The following CDKL5 variants were observed in gnomAD, a reference collection of about 807,000 sequenced individuals.
The protein encoded by CDKL5 is cyclin-dependent kinase-like 5.
In CDKL5, 8 loss-of-function variants were observed where a neutral mutation model predicts 61.7. That is an observed-to-expected ratio of 0.13 (90% CI 0.08 to 0.23). The LOEUF (loss-of-function observed/expected upper bound fraction) is 0.23, where lower values mean the gene tolerates loss of function less well. Ranked by LOEUF, CDKL5 falls within the 10% of genes least tolerant of loss-of-function variation. CDKL5 has a pLI of 1.00. For synonymous variants in CDKL5, 275 were observed against 272.3 expected (o/e 1.01, Z -0.10); for missense variants, 440 against 734.5 (o/e 0.60, Z 4.63).
chrX:18,549,038 T>C (rs1171789715), intron 3 of CDKL5, among the ~76,000 whole-genome samples: 1 of 112,034 alleles, frequency 8.9e-6, no homozygotes, highest in East Asian at 2.8e-4. Context: ...CATCAGTGTG[T>C]TGATGAATAA....
intron 1 of CDKL5, among the ~76,000 whole-genome samples, chrX:18,460,288 T>C (rs1287964054): frequency 9.0e-6 from 1 of 110,661 alleles, no homozygotes; most frequent in African/African-American, 3.3e-5. Context: ...GGGACCGTAC[T>C]ACACACTTTT....
intron 14 of CDKL5, among the ~76,000 whole-genome samples, chrX:18,612,907 G>A (rs1926601911): frequency 2.7e-5 from 3 of 109,111 alleles, no homozygotes; most frequent in Non-Finnish European, 5.7e-5. Flanking sequence ...AGAAAATGCA[G>A]TAGGATAACG....
In CDKL5 at chrX:18,512,060, A is replaced by G. The variant is rs766449976; in HGVS notation, c.99+1206A>G. Among the ~76,000 whole-genome samples the G allele has an allele frequency of 6.3e-5, 7 of 111,890 alleles. No homozygotes were observed. In the South Asian group the frequency reaches 2.2e-3, roughly 35 times the overall value. ...TTATTTTACTATGGTAATAATCACA[A>G]ATTATTCAGAGAAGTTATTTGAAGT... On this transcript the variant is annotated intron_variant, in intron 3 of 17. Coordinates refer to ENST00000623535, the MANE Select transcript of CDKL5 (RefSeq NM_001323289.2).
chrX:18,623,851 A>G (rs1212150349), intron 16 of CDKL5: 1 of 733,348 alleles, frequency 1.4e-6, no homozygotes, highest in African/African-American at 2.4e-5. Flanking sequence ...TTTTTTTGCA[A>G]TTAGTTTATT....
In CDKL5 at chrX:18,647,181, C is replaced by T. The variant is rs1473346927; in HGVS notation, c.2797+1091C>T. On this transcript the variant is annotated intron_variant, in intron 20 of 21. Coordinates refer to the CDKL5 transcript ENST00000379989. ...AAGCACATGAAAAAAAATCCCCGGG[C>T]CCTGCTTACCCAAAGCCTTGACTGT... 5.0e-6 allele frequency: 6 copies of T among 1,208,091 alleles called. No individual in the cohort carries two copies. Among genetic ancestry groups the T allele is most frequent in the East Asian group, 3.0e-5 (1 of 33,704 alleles).
rs761711341 is a variant in CDKL5, at chrX:18,552,250, AAAAGAAAG to A, written c.100-12211_100-12204del. 4.5e-5 allele frequency among the ~76,000 whole-genome samples: 5 copies of A among 110,158 alleles called. No homozygotes were observed. The South Asian group carries it at 1.1e-3, about 25-fold the overall frequency. ...GAGACTCCGTCTCAAAAAAAAAAAAAAAAGAAAGAAAGAAAGAAAGAAAAAACCCAAAA... is the reference window on the plus strand; with the variant it reads ...GAGACTCCGTCTCAAAAAAAAAAAAAAAAGAAAGAAAGAAAAAACCCAAAA... On this transcript the variant is annotated intron_variant, in intron 3 of 17. Transcript: ENST00000623535.
chrX:18,575,950 C>A (rs893096737), intron 5 of CDKL5, among the ~76,000 whole-genome samples: 9 of 111,580 alleles, frequency 8.1e-5, no homozygotes, highest in Admixed American at 7.6e-4. Context: ...AGGAGCTGTG[C>A]CAGGAGGCCT....
Position 18,630,409 on chromosome X carries a change from C to T in CDKL5, c.*1652C>T. ...AGCAATAATACTTTTAAAGGTCCCT[C>T]CCACCCCTCAAAGAGATAACTTCTC... On this transcript the variant is annotated 3_prime_UTR_variant, in exon 18 of 18. Coordinates refer to ENST00000623535, the MANE Select transcript of CDKL5 (RefSeq NM_001323289.2). 1 of 751,982 alleles carries T rather than the reference C, an allele frequency of 1.3e-6. No homozygotes were observed. The highest frequency in any genetic ancestry group is 1.6e-6 in the Non-Finnish European group (1 of 637,952). 62.0% of individuals were successfully genotyped at this position (751,982 alleles called of 1,213,427 possible). A position where few individuals can be genotyped will look rare whatever the true frequency, so the allele number is the denominator to read the frequency against.
chrX:18,511,135 T>C (rs1001682844), intron 3 of CDKL5, among the ~76,000 whole-genome samples: 2 of 112,164 alleles, frequency 1.8e-5, no homozygotes, highest in African/African-American at 6.5e-5. Flanking sequence ...TTTAAGTTTT[T>C]GCCTAAAACA....
chrX:18,648,808 G>C (rs1927901599), intron 20 of CDKL5, among the ~76,000 whole-genome samples: 1 of 111,347 alleles, frequency 9.0e-6, no homozygotes, highest in African/African-American at 3.3e-5. Context: ...GAACTGCAGA[G>C]GCTGAGTGCA....
intron 4 of CDKL5, among the ~76,000 whole-genome samples, chrX:18,568,175 A>G (rs1015177668): frequency 1.8e-5 from 2 of 112,316 alleles, no homozygotes; most frequent in Admixed American, 9.4e-5. Flanking sequence ...AGTCGGGACC[A>G]TCTATTCTCT....
intron 1 of CDKL5, among the ~76,000 whole-genome samples, chrX:18,503,097 G>T (rs1922446068): frequency 8.9e-6 from 1 of 112,360 alleles, no homozygotes; most frequent in Admixed American, 9.5e-5. Context: ...TTAATGTCTT[G>T]AGTAAAGTTA....
chrX:18,461,575 A>G (rs1248471854), intron 1 of CDKL5, among the ~76,000 whole-genome samples: 1 of 112,171 alleles, frequency 8.9e-6, no homozygotes, highest in Admixed American at 9.5e-5. Flanking sequence ...TTGTAAATGG[A>G]TTGTGTTGAG....
chrX:18,587,910 A>G (rs1420309652), intron 8 of CDKL5, 44 bp from the exon 9 acceptor site: 12 of 1,102,092 alleles, frequency 1.1e-5, no homozygotes, highest in African/African-American at 3.6e-5. Flanking sequence ...TCAAAACATT[A>G]TATTTTTTCA....
At chrX:18,580,476 C>T (rs754212432) in intron 6 of CDKL5, among the ~76,000 whole-genome samples, 3 of 111,751 alleles carry the variant, frequency 2.7e-5, no homozygotes, top group African/African-American at 9.7e-5. Flanking sequence ...CTAATTTTCT[C>T]TACCCCTTAG....
chrX:18,640,505 A>G (rs1274238328), downstream of CDKL5: 4 of 93,854 alleles, frequency 4.3e-5, no homozygotes, highest in Non-Finnish European at 8.1e-5. Flanking sequence ...GGGGAAAAGC[A>G]TTTTCCGAAG....
intron 21 of CDKL5, among the ~76,000 whole-genome samples, chrX:18,652,686 G>T (rs1928105545): frequency 9.0e-6 from 1 of 111,447 alleles, no homozygotes; most frequent in African/African-American, 3.3e-5. Context: ...AAAACTAAGG[G>T]GATCCTTATC....
chrX:18,620,778 C>T (rs1926867435), intron 16 of CDKL5, among the ~76,000 whole-genome samples: 1 of 111,539 alleles, frequency 9.0e-6, no homozygotes, highest in Non-Finnish European at 1.9e-5. Context: ...GACAGGGTCT[C>T]ACCCTGTTGC....
rs1461167746 is a variant in CDKL5, at chrX:18,587,975, G to A, written c.576G>A (p.Val192=). The A allele has an allele frequency of 2.5e-6, 3 of 1,209,006 alleles. No individual in the cohort carries two copies. The highest frequency in any genetic ancestry group is 3.4e-6 in the Non-Finnish European group (3 of 894,339). Reference sequence around the variant, plus strand: ...TCAGCGCTCCCTATGGAAAGTCCGTGGACATGTGGTCGGTGGGCTGTATTC... The same window carrying A: ...TCAGCGCTCCCTATGGAAAGTCCGTAGACATGTGGTCGGTGGGCTGTATTC... ...LLLGAPYGKS[V]DMWSVGCILG... The change falls in exon 9 of 18, where the codon GTG becomes GTA. Residue 192 remains valine, a synonymous_variant. Transcript: ENST00000623535.
Sources: allele counts gnomAD v4.1 joint callset (sites outside exome capture counted in the v4.1 genomes callset), GRCh38; gene constraint gnomAD v4.1.1; transcripts MANE v1.5; gene names NCBI Gene and HGNC (gene_info 2026-07-23, HGNC 2026-07-21).